Variants in SLC26A8 observed in about 807,000 individuals in gnomAD.
SLC26A8 encodes solute carrier family 26 member 8, also known as testis anion transporter 1.
SLC26A8 carries 70 observed loss-of-function variants against 105.0 expected under a neutral mutation model. The ratio of observed to expected loss-of-function variants is 0.67; its 90% CI spans 0.55 to 0.81. SLC26A8 has a LOEUF of 0.81. SLC26A8 is among the 40% of genes least tolerant of loss of function. The pLI is 0.00. For synonymous variants in SLC26A8, 415 were observed against 438.3 expected (o/e 0.95, Z 0.66); for missense variants, 998 against 1,181.8 (o/e 0.84, Z 2.28).
intron 7 of SLC26A8, among the ~76,000 whole-genome samples, chr6:35,988,827 T>C (rs1361589407): frequency 6.7e-6 from 1 of 149,352 alleles, no homozygotes; most frequent in Non-Finnish European, 1.5e-5. Flanking sequence ...CTTTTAGATA[T>C]ACAGTTCTAT....
chr6:35,951,385 C>T (rs914609519), intron 18 of SLC26A8, 38 bp from the exon 19 acceptor site: 15 of 1,613,960 alleles, frequency 9.3e-6, no homozygotes, highest in Non-Finnish European at 1.3e-5. Flanking sequence ...ATGTCAGATA[C>T]TTGGGGAGCA....
At chr6:35,948,712 T>C (rs1447047264) in intron 19 of SLC26A8, among the ~76,000 whole-genome samples, 2 of 152,184 alleles carry the variant, frequency 1.3e-5, no homozygotes, top group Admixed American at 1.3e-4. Flanking sequence ...GAAAATAACA[T>C]ATCAGTAGGG....
intron 14 of SLC26A8, chr6:35,960,607 G>T: frequency 2.2e-6 from 1 of 459,594 alleles, no homozygotes; most frequent in Non-Finnish European, 3.8e-6. Flanking sequence ...AGTAAGCCAA[G>T]ATCAAGCCAC....
intron 3 of SLC26A8, among the ~76,000 whole-genome samples, chr6:36,010,422 G>A (rs1056515271): frequency 1.2e-4 from 19 of 152,174 alleles, no homozygotes; most frequent in South Asian, 4.1e-4. Context: ...GGTTGCTAGG[G>A]GTTATAGATT....
chr6:36,000,207 A>C, intron 3 of SLC26A8, 99 bp from the exon 4 acceptor site: 1 of 739,154 alleles, frequency 1.4e-6, no homozygotes, highest in Non-Finnish European at 2.3e-6. Context: ...ATCCATGTGT[A>C]TAGCTGACTG....
At chr6:36,022,562 G>A (rs1762151902) in intron 1 of SLC26A8, among the ~76,000 whole-genome samples, 1 of 152,060 alleles carries the variant, frequency 6.6e-6, no homozygotes, top group African/African-American at 2.4e-5. Flanking sequence ...AGAGACTGAG[G>A]CAAAACAGCC....
chr6:35,945,714 T>C (rs1229592976), intron 19 of SLC26A8, among the ~76,000 whole-genome samples: 1 of 152,140 alleles, frequency 6.6e-6, no homozygotes, highest in African/African-American at 2.4e-5. Context: ...CAGTAACATA[T>C]TCTTTATTTA....
chr6:36,016,973 A>C (rs1762009904), intron 2 of SLC26A8, among the ~76,000 whole-genome samples: 1 of 152,086 alleles, frequency 6.6e-6, no homozygotes, highest in African/African-American at 2.4e-5. Flanking sequence ...GGAATTTGAG[A>C]CCAGCCTGAC....
Position 35,959,714 on chromosome 6 carries a change from C to G in SLC26A8, c.1731G>C (p.Glu577Asp), listed in dbSNP as rs975929995. 5.0e-6 allele frequency: 8 copies of G among 1,606,744 alleles called. No homozygotes were observed. Among genetic ancestry groups the G allele is most frequent in the Non-Finnish European group, 5.1e-6 (6 of 1,178,098 alleles). ...GAAAGGCGGGCAGGAGGGCAGATAC[C>G]TCTTTTAACAGCTTATGCTTTAGGT... ...VYYLKHKLLK[E>D]VDMVKVPLKE... Residue 577 changes from glutamate to aspartate, a missense_variant and splice_region_variant, in exon 15 of 20, where the codon GAG becomes GAC. By Grantham distance (45) the Glu-to-Asp change is conservative. Coordinates refer to ENST00000490799, the MANE Select transcript of SLC26A8 (RefSeq NM_052961.4).
At chr6:36,004,664 TC>T (rs989237009) in intron 3 of SLC26A8, among the ~76,000 whole-genome samples, 3 of 82,160 alleles carry the variant, frequency 3.7e-5, no homozygotes, top group African/African-American at 1.1e-4. Flanking sequence ...TTACTTTTTT[TC>T]TTTTTTTTGT....
intron 12 of SLC26A8, among the ~76,000 whole-genome samples, 179 bp from the exon 13 acceptor site, chr6:35,961,278 T>C (rs920900282): frequency 8.5e-5 from 13 of 152,210 alleles, no homozygotes; most frequent in Non-Finnish European, 1.6e-4. Flanking sequence ...CCAGGATGCC[T>C]AGCAATTCTT....
intron 17 of SLC26A8, 46 bp from the exon 18 acceptor site, chr6:35,951,545 A>G (rs1432562132): frequency 1.3e-6 from 2 of 1,598,710 alleles, no homozygotes; most frequent in Non-Finnish European, 1.7e-6. Flanking sequence ...TATACTTGCT[A>G]GGAAAGGCCT....
chr6:36,011,215 A>G (rs1218923305), intron 3 of SLC26A8, among the ~76,000 whole-genome samples: 1 of 152,124 alleles, frequency 6.6e-6, no homozygotes, highest in Admixed American at 6.5e-5. Context: ...TTCCCTGGAA[A>G]CCTTATAATG....
At chr6:35,965,913 C>T (rs1160544164) in intron 11 of SLC26A8, among the ~76,000 whole-genome samples, 2 of 150,716 alleles carry the variant, frequency 1.3e-5, no homozygotes, top group Non-Finnish European at 2.9e-5. Context: ...ATTGCTTGAA[C>T]CTGGGAGGCA....
At chr6:35,953,722 C>T (rs1771955316) in intron 17 of SLC26A8, among the ~76,000 whole-genome samples, 1 of 152,126 alleles carries the variant, frequency 6.6e-6, no homozygotes, top group Non-Finnish European at 1.5e-5. Flanking sequence ...TCTTCCAAAC[C>T]TCTCATTTTG....
chr6:36,005,378 A>G (rs920790040), intron 3 of SLC26A8, among the ~76,000 whole-genome samples: 1 of 152,210 alleles, frequency 6.6e-6, no homozygotes, highest in Non-Finnish European at 1.5e-5. Context: ...GATTCTATCC[A>G]GAGTCTCACA....
At chr6:36,005,211 A>T (rs1034643606) in intron 3 of SLC26A8, among the ~76,000 whole-genome samples, 1 of 152,210 alleles carries the variant, frequency 6.6e-6, no homozygotes, top group African/African-American at 2.4e-5. Flanking sequence ...TTACAAAAAT[A>T]ATGCAGTTTC....
rs1562011221 is a variant in SLC26A8 at position 35,944,343 on chromosome 6, G to A, written c.2473-3C>T. ...ATTTTATATCTTGAATTGTCATTCT[G>A]AAATACAATTAGGTGGGTTAAAATT... On this transcript the variant is annotated splice_polypyrimidine_tract_variant and splice_region_variant and intron_variant, in intron 19 of 19. Coordinates refer to ENST00000490799, the MANE Select transcript of SLC26A8 (RefSeq NM_052961.4). 6.3e-7 allele frequency: 1 copy of A among 1,594,642 alleles called. No homozygotes were observed. The highest frequency in any genetic ancestry group is 8.6e-7 in the Non-Finnish European group (1 of 1,163,362).
chr6:35,994,255 C>T, intron 5 of SLC26A8, among the ~76,000 whole-genome samples: 1 of 151,698 alleles, frequency 6.6e-6, no homozygotes. Context: ...GCTGGGACTA[C>T]AGGCGCCCGC....
Sources: allele counts gnomAD v4.1 joint callset (sites outside exome capture counted in the v4.1 genomes callset), GRCh38; gene constraint gnomAD v4.1.1; transcripts MANE v1.5; gene names NCBI Gene and HGNC (gene_info 2026-07-23, HGNC 2026-07-21).